Variants in CEP164 observed in about 807,000 individuals in gnomAD.
The protein encoded by CEP164 is centrosomal protein 164.
In CEP164, 162 loss-of-function variants were observed where a neutral mutation model predicts 182.7. The observed-to-expected ratio is 0.89, with a 90% CI of 0.78 to 1.01. The LOEUF (loss-of-function observed/expected upper bound fraction) is 1.01. CEP164 is among the 50% of genes least tolerant of loss of function. The probability of loss-of-function intolerance (pLI) is 0.00; values close to 1 mark genes in which losing one functional copy is unlikely to be tolerated. For synonymous variants in CEP164, 661 were observed against 690.0 expected, an observed-to-expected ratio of 0.96 and a Z score of 0.66; for missense variants, 1,735 against 1,790.4, an observed-to-expected ratio of 0.97 and a Z score of 0.56.
intron 5 of CEP164, chr11:117,355,671 A>G: frequency 8.4e-7 from 1 of 1,190,652 alleles, no homozygotes; most frequent in Non-Finnish European, 1.1e-6. Context: ...GTTCCTGGGG[A>G]AGGTGGGAGC....
chr11:117,324,586 A>C (rs1029051154), upstream of CEP164, among the ~76,000 whole-genome samples: 14 of 152,228 alleles, frequency 9.2e-5, no homozygotes, highest in South Asian at 2.9e-3. Context: ...TAAAATGCAA[A>C]TTGTTGATTT....
chr11:117,322,667 T>C (rs2035291859), intron 1 of CEP164, among the ~76,000 whole-genome samples: 1 of 151,680 alleles, frequency 6.6e-6, no homozygotes. Context: ...GTGATTCTCC[T>C]GCTTCAGCCT....
chr11:117,338,122 G>A lies in CEP164; in HGVS notation c.-21-444G>A, dbSNP rs147259868. On this transcript the variant is annotated intron_variant, in intron 2 of 32. Coordinates refer to ENST00000278935, the MANE Select transcript of CEP164 (RefSeq NM_014956.5). ...GCCACTGGATTGTAAGCTTCCTGAG[G>A]GCATTTTGGATATGAATCGGGACAT... is the stretch of plus-strand genomic sequence containing the variant. Among the ~76,000 whole-genome samples the A allele has an allele frequency of 2.3e-4, 35 of 152,216 alleles. No individual in the cohort carries two copies. In the East Asian group the frequency reaches 5.2e-3, roughly 23 times the overall value.
chr11:117,381,987 G>A (rs528949961), intron 13 of CEP164, 119 bp downstream of exon 13: 2 of 845,180 alleles, frequency 2.4e-6, no homozygotes, highest in South Asian at 3.9e-5. Context: ...GAGGGAGTGG[G>A]GAGCTGGGGC....
chr11:117,378,623 G>A (rs973738011), intron 11 of CEP164, among the ~76,000 whole-genome samples: 12 of 152,178 alleles, frequency 7.9e-5, no homozygotes, highest in Admixed American at 2.0e-4. Flanking sequence ...TAGGATGTGC[G>A]ATTGTCTCCC....
rs529836332 is a variant in CEP164, at chr11:117,362,407, T to G, written c.556T>G (p.Ser186Ala). 6.2e-7 allele frequency: 1 copy of G among 1,612,268 alleles called. No homozygotes were observed. The highest frequency in any genetic ancestry group is 1.7e-5 in the Admixed American group (1 of 59,864). ...GRQLGELMLP[S>A]QGLKTSAYTK... ...ACTGTCCTTCTCTATTTTGAAGCCTTCACAGGGTCTCAAGACCTCTGCTTA... is the reference window on the plus strand; with the variant it reads ...ACTGTCCTTCTCTATTTTGAAGCCTGCACAGGGTCTCAAGACCTCTGCTTA... The change falls in exon 7 of 33, where the codon TCA becomes GCA. Residue 186 changes from serine to alanine, a missense_variant. By Grantham distance (99) the Ser-to-Ala change is moderately conservative (BLOSUM62 1). Transcript: ENST00000278935.
intron 10 of CEP164, among the ~76,000 whole-genome samples, chr11:117,375,263 G>C (rs776738677): frequency 9.9e-5 from 15 of 152,278 alleles, no homozygotes; most frequent in Non-Finnish European, 1.8e-4. Context: ...TTGGGCTTTG[G>C]AGTCAGTGCG....
chr11:117,382,722 C>A (rs940158472), intron 13 of CEP164, 74 bp from the exon 14 acceptor site: 1 of 1,536,012 alleles, frequency 6.5e-7, no homozygotes, highest in South Asian at 1.2e-5. Context: ...GCTCTTTGAC[C>A]CCAAATGGCG....
At chr11:117,410,370 A>G in intron 30 of CEP164, 1 of 303,902 alleles carries the variant, frequency 3.3e-6, no homozygotes, top group Non-Finnish European at 6.2e-6. Flanking sequence ...TCTCTGAGGT[A>G]GTAATTATTT....
intron 19 of CEP164, 40 bp from the exon 20 acceptor site, chr11:117,392,964 C>G (rs756400102): frequency 5.0e-6 from 8 of 1,610,148 alleles, no homozygotes; most frequent in Non-Finnish European, 6.8e-6. Flanking sequence ...GCTGGTCCGC[C>G]TCGGTTCTTC....
At position 117,409,741 on chromosome 11, in the gene CEP164, C is replaced by A. The variant is rs756303986; in HGVS notation, c.3872C>A (p.Pro1291Gln). The A allele has an allele frequency of 6.2e-7, 1 of 1,614,000 alleles. No individual in the cohort carries two copies. Among genetic ancestry groups the A allele is most frequent in the East Asian group, 2.2e-5 (1 of 44,878 alleles). ...ILDSLNPQSP[P>Q]PLLASMPAQL... ...GACAGCCTCAACCCTCAGTCGCCGC[C>A]GCCGCTCCTCGCCTCCATGCCAGCC... The change falls in exon 30 of 33, where the codon CCG becomes CAG. Residue 1291 changes from proline to glutamine, a missense_variant. Coordinates refer to ENST00000278935, the MANE Select transcript of CEP164 (RefSeq NM_014956.5). The surrounding 1 kb of genome is among the most constrained non-coding windows in gnomAD (Gnocchi z 4.4).
intron 27 of CEP164, among the ~76,000 whole-genome samples, chr11:117,397,636 G>A (rs1316542931): frequency 1.3e-5 from 2 of 152,160 alleles, no homozygotes; most frequent in African/African-American, 4.8e-5. Context: ...GGCAGGAGGC[G>A]AAAGGCACTT....
chr11:117,343,716 T>C (rs2038469031), intron 3 of CEP164, among the ~76,000 whole-genome samples: 1 of 150,036 alleles, frequency 6.7e-6, no homozygotes, highest in Non-Finnish European at 1.5e-5. Flanking sequence ...CTGCAACCTC[T>C]TCCTCCCAGG....
chr11:117,401,080 T>C (rs967853888), intron 27 of CEP164, among the ~76,000 whole-genome samples: 1 of 152,220 alleles, frequency 6.6e-6, no homozygotes, highest in Non-Finnish European at 1.5e-5. Flanking sequence ...TCAAAGGGAA[T>C]GCTTCCAGTT....
intron 4 of CEP164, among the ~76,000 whole-genome samples, chr11:117,346,952 A>G (rs1405546924): frequency 6.6e-6 from 1 of 152,094 alleles, no homozygotes. Flanking sequence ...TTCTTTTCCT[A>G]AGGGTAATTA....
At position 117,373,818 on chromosome 11, in the gene CEP164, C is replaced by T. The variant is rs150314805; in HGVS notation, c.1220C>T (p.Ser407Phe). The T allele has an allele frequency of 9.8e-4, 1,585 of 1,614,024 alleles. 3 individuals carry two copies. The highest frequency in any genetic ancestry group is 1.3e-3 in the Non-Finnish European group (1,498 of 1,179,924). The change falls in exon 10 of 33, where the codon TCC (serine) becomes TTC (phenylalanine). Residue 407 changes from serine to phenylalanine, a missense_variant. Physicochemically the swap from Ser to Phe is radical, Grantham distance 155 (BLOSUM62 -2). Coordinates refer to ENST00000278935, the MANE Select transcript of CEP164 (RefSeq NM_014956.5). ...GACTCCATAGCTTCTGACCCCAAGT[C>T]CTTCCATGGCCTGGTGAGTTTGAGA... ...LSDSIASDPK[S>F]FHGLDFGFRS... is the part of the protein sequence containing the mutation.
At chr11:117,372,309 A>C (rs1261597515) in intron 9 of CEP164, among the ~76,000 whole-genome samples, 1 of 150,644 alleles carries the variant, frequency 6.6e-6, no homozygotes, top group Admixed American at 6.6e-5. Context: ...CGGTTTCGCC[A>C]TGTTGCCCAG....
intron 2 of CEP164, among the ~76,000 whole-genome samples, chr11:117,337,776 A>G (rs752476874): frequency 3.3e-5 from 5 of 152,106 alleles, no homozygotes; most frequent in African/African-American, 4.8e-5. Context: ...CTTGTCCTAA[A>G]AAAAGGCCAC....
Position 117,397,168 on chromosome 11 carries a change from A to G in CEP164, c.3356A>G (p.Gln1119Arg), listed in dbSNP as rs573455. The change falls in exon 27 of 33, where the codon CAG (glutamine) becomes CGG (arginine). Residue 1119 changes from glutamine to arginine, a missense_variant. Transcript: ENST00000278935. ...ALRSAKEFLV[Q>R]QTRSMRRRQT... ...CGTAGTGCCAAGGAGTTCCTTGTGC[A>G]GCAGACACGCTCCATGCGGAGGCGG... 0.52 allele frequency: 834,182 copies of G among 1,614,028 alleles called. 218,664 individuals are homozygous for G. Among genetic ancestry groups the G allele is most frequent in the Non-Finnish European group, 0.54 (634,702 of 1,179,982 alleles).
Sources: gnomAD v4.1 joint callset for allele counts (sites outside exome capture counted in the v4.1 genomes callset) on GRCh38, gnomAD v4.1.1 for gene constraint, Gnocchi (gnomAD v3.1) non-coding constraint, MANE v1.5 for transcripts, NCBI Gene and HGNC (gene_info 2026-07-23, HGNC 2026-07-21) for gene names.